HHAT: variants seen among roughly 807,000 people sequenced by gnomAD.
HHAT encodes protein-cysteine N-palmitoyltransferase HHAT.
HHAT carries 47 observed loss-of-function variants against 70.8 expected under a neutral mutation model. The ratio of observed to expected loss-of-function variants is 0.66; its 90% CI spans 0.53 to 0.85. The LOEUF is 0.85. HHAT is among the 40% of genes least tolerant of loss of function. The pLI, the probability that HHAT is intolerant of heterozygous loss-of-function variation, is 0.00. For missense variants in HHAT, 609 were observed against 604.8 expected (o/e 1.01, Z -0.07); for synonymous variants, 228 against 247.6 (o/e 0.92, Z 0.74).
chr1:210,675,774 G>T lies in HHAT; in HGVS notation c.*1395G>T, dbSNP rs1680990204. The T allele has an allele frequency of 1.3e-5, 2 of 152,194 alleles. No individual in the cohort carries two copies. The highest frequency in any genetic ancestry group is 4.8e-5 in the African/African-American group (2 of 41,442). The allele number at this position is 152,194 out of a possible 1,614,324, so 9.4% of individuals were successfully genotyped here. A position where few individuals can be genotyped will look rare whatever the true frequency, so the allele number is the denominator to read the frequency against. ...AGGGGGCCAGATACTGACTACCTGG[G>T]GTAGGCACATTATGTGTTAAAGCAA... On this transcript the variant is annotated 3_prime_UTR_variant, in exon 12 of 12. Transcript: ENST00000261458.
chr1:210,555,395 G>T (rs1454179498), intron 9 of HHAT, among the ~76,000 whole-genome samples: 1 of 152,180 alleles, frequency 6.6e-6, no homozygotes, highest in Non-Finnish European at 1.5e-5. Context: ...CAGTGCTGGG[G>T]ACAGGAAGAA....
chr1:210,555,703 A>G (rs189383720), intron 9 of HHAT, among the ~76,000 whole-genome samples: 1 of 152,350 alleles, frequency 6.6e-6, no homozygotes, highest in East Asian at 1.9e-4. Context: ...CCATTGAATT[A>G]ATGGCTGAAG....
intron 11 of HHAT, among the ~76,000 whole-genome samples, chr1:210,645,340 C>T (rs113538513): frequency 0.014 from 2,118 of 152,224 alleles, 48 homozygotes; most frequent in African/African-American, 0.046. Flanking sequence ...TTCGGTGGCA[C>T]GATCTCAGCT....
chr1:210,497,296 AT>A (rs1221032543), intron 8 of HHAT, among the ~76,000 whole-genome samples: 1 of 152,202 alleles, frequency 6.6e-6, no homozygotes, highest in African/African-American at 2.4e-5. Context: ...CCTAGCCAAT[AT>A]TTTTTGTGTT....
chr1:210,382,215 A>G (rs1250288448), intron 3 of HHAT, among the ~76,000 whole-genome samples: 1 of 152,240 alleles, frequency 6.6e-6, no homozygotes, highest in Non-Finnish European at 1.5e-5. Flanking sequence ...CCCTAGTGAC[A>G]TAGGGGTGTG....
intron 4 of HHAT, among the ~76,000 whole-genome samples, chr1:210,392,747 T>A (rs532164358): frequency 3.9e-5 from 6 of 152,284 alleles, no homozygotes; most frequent in African/African-American, 1.4e-4. Flanking sequence ...TTACTAATTT[T>A]AATTTCCATT....
intron 1 of HHAT, among the ~76,000 whole-genome samples, chr1:210,338,496 C>G (rs1558307037): frequency 1.3e-5 from 2 of 152,170 alleles, no homozygotes; most frequent in Non-Finnish European, 2.9e-5. Context: ...TTTAAGCATA[C>G]TCAATAATAG....
intron 9 of HHAT, among the ~76,000 whole-genome samples, chr1:210,577,139 G>A (rs984461512): frequency 3.3e-5 from 5 of 151,076 alleles, no homozygotes; most frequent in Non-Finnish European, 5.9e-5. Context: ...CAGACATAAT[G>A]TTATTTCTTC....
At position 210,559,542 on chromosome 1, in the gene HHAT, G is replaced by A. The variant is rs563900952; in HGVS notation, c.1044-28356G>A. On this transcript the variant is annotated intron_variant, in intron 9 of 11. Coordinates refer to ENST00000261458, the MANE Select transcript of HHAT (RefSeq NM_018194.6). ...CAGAGTTGCTCTGATGATTGGAAGT[G>A]GTGGAGCTAGGATTTGGACACAGGA... Among the ~76,000 whole-genome samples the A allele has an allele frequency of 4.4e-4, 67 of 152,314 alleles. 1 individual carries two copies. Among genetic ancestry groups the A allele is most frequent in the African/African-American group, 1.6e-3 (65 of 41,568 alleles).
intron 8 of HHAT, among the ~76,000 whole-genome samples, chr1:210,502,024 CTT>C (rs76785301): frequency 0.5 from 72,905 of 146,462 alleles, 18,143 homozygotes; most frequent in East Asian, 0.73. Flanking sequence ...TATTCTTCTT[CTT>C]TTTTTTTTTT....
In HHAT at chr1:210,343,635, G is replaced by A. The variant is rs552187972; in HGVS notation, c.-43-5298G>A. Among the ~76,000 whole-genome samples the A allele has an allele frequency of 3.3e-5, 5 of 152,320 alleles. No homozygotes were observed. The South Asian group carries it at 6.2e-4, about 19-fold the overall frequency. Reference sequence around the variant, plus strand: ...TCATTCCCTTGGGAGTAGCAGAGACGTAGGTGGTGAGGAAGAGGCACCGGG... The same window carrying A: ...TCATTCCCTTGGGAGTAGCAGAGACATAGGTGGTGAGGAAGAGGCACCGGG... On this transcript the variant is annotated intron_variant, in intron 1 of 11. Coordinates refer to ENST00000261458, the MANE Select transcript of HHAT (RefSeq NM_018194.6).
At chr1:210,341,584 C>A (rs1310588067) in intron 1 of HHAT, among the ~76,000 whole-genome samples, 1 of 152,138 alleles carries the variant, frequency 6.6e-6, no homozygotes, top group African/African-American at 2.4e-5. Flanking sequence ...TCTTCCTGAG[C>A]AGGATTCTGA....
chr1:210,464,448 T>A (rs1043328855), intron 7 of HHAT, 57 bp from the exon 8 acceptor site: 123 of 1,591,408 alleles, frequency 7.7e-5, no homozygotes, highest in Non-Finnish European at 1.0e-4. Flanking sequence ...GTTGGTCTCC[T>A]CCAGGAAACT....
At chr1:210,500,283 G>A (rs1169789353) in intron 8 of HHAT, among the ~76,000 whole-genome samples, 2 of 152,204 alleles carry the variant, frequency 1.3e-5, no homozygotes, top group African/African-American at 4.8e-5. Flanking sequence ...GGTAGAATGA[G>A]GTTTTAATAA....
At chr1:210,386,242 T>TTTTTTTTTTTTTTC in intron 3 of HHAT, among the ~76,000 whole-genome samples, 1 of 106,066 alleles carries the variant, frequency 9.4e-6, no homozygotes, top group African/African-American at 3.8e-5. Context: ...TTTTTTTTTT[T>TTTTTTTTTTTTTTC]TTTTTTTTTT....
At chr1:210,330,554 T>C (rs1046833585) in intron 1 of HHAT, among the ~76,000 whole-genome samples, 1 of 152,080 alleles carries the variant, frequency 6.6e-6, no homozygotes, top group African/African-American at 2.4e-5. Flanking sequence ...GAACTTAGGG[T>C]GAAAGTCAAT....
At chr1:210,522,522 C>T (rs1429282330) in intron 9 of HHAT, among the ~76,000 whole-genome samples, 1 of 152,078 alleles carries the variant, frequency 6.6e-6, no homozygotes, top group Admixed American at 6.6e-5. Flanking sequence ...GGGGCTGGGT[C>T]CCCCCTTCCA....
At chr1:210,560,093 C>T (rs1170960215) in intron 9 of HHAT, among the ~76,000 whole-genome samples, 4 of 152,154 alleles carry the variant, frequency 2.6e-5, no homozygotes, top group Non-Finnish European at 4.4e-5. Context: ...TCCTTTCCCA[C>T]GAACTCTTAG....
rs766659481 is a variant in HHAT, at chr1:210,587,958, G to A, written c.1104G>A (p.Thr368=). 8.7e-6 allele frequency: 14 copies of A among 1,614,010 alleles called. No homozygotes were observed. Among genetic ancestry groups the A allele is most frequent in the Admixed American group, 3.3e-5 (2 of 60,002 alleles). ...QHGLLGTLFS[T]AMTFAFVSYW... ...GCCTGCTGGGGACACTGTTTTCCAC[G>A]GCGATGACATTTGCATTTGTGAGCT... The change falls in exon 10 of 12, where the codon ACG becomes ACA. Residue 368 remains threonine (T), a synonymous_variant. Coordinates refer to ENST00000261458, the MANE Select transcript of HHAT (RefSeq NM_018194.6).
Sources: allele counts gnomAD v4.1 joint callset (sites outside exome capture counted in the v4.1 genomes callset), GRCh38; gene constraint gnomAD v4.1.1; transcripts MANE v1.5; gene names NCBI Gene and HGNC (gene_info 2026-07-23, HGNC 2026-07-21).